Variants in EPHA5 observed in about 807,000 individuals in gnomAD.
EPHA5 encodes EPH receptor A5.
EPHA5 carries 60 observed loss-of-function variants against 105.0 expected under a neutral mutation model. The observed-to-expected ratio is 0.57, with a 90% confidence interval of 0.46 to 0.71. The LOEUF is 0.71. Ranked by LOEUF, EPHA5 falls within the 30% of genes least tolerant of loss-of-function variation. The pLI is 0.00. For missense variants in EPHA5, 1,218 were observed against 1,274.7 expected, an observed-to-expected ratio of 0.96 and a Z score of 0.68; for synonymous variants, 513 against 449.1, an observed-to-expected ratio of 1.14 and a Z score of -1.80.
intron 4 of EPHA5, among the ~76,000 whole-genome samples, chr4:65,494,501 A>G (rs1050487472): frequency 6.6e-6 from 1 of 152,198 alleles, no homozygotes; most frequent in African/African-American, 2.4e-5. Flanking sequence ...TTGATTTGCT[A>G]CAGAGACTTT....
At chr4:65,652,225 A>G (rs1200228302) in intron 1 of EPHA5, among the ~76,000 whole-genome samples, 1 of 152,136 alleles carries the variant, frequency 6.6e-6, no homozygotes, top group Non-Finnish European at 1.5e-5. Flanking sequence ...TACTGGAAAT[A>G]AATGTGCATA....
chr4:65,519,787 A>C (rs1734492897), intron 3 of EPHA5, among the ~76,000 whole-genome samples: 1 of 152,172 alleles, frequency 6.6e-6, no homozygotes, highest in Admixed American at 6.5e-5. Context: ...ATTGCTTCAA[A>C]GAGAATAAAA....
chr4:65,641,853 G>A (rs1747697509), intron 2 of EPHA5, among the ~76,000 whole-genome samples: 2 of 151,864 alleles, frequency 1.3e-5, no homozygotes, highest in African/African-American at 4.8e-5. Context: ...AGAAAAAAAA[G>A]ACAGCATGAA....
chr4:65,558,744 T>A (rs1738716980), intron 3 of EPHA5, among the ~76,000 whole-genome samples: 1 of 152,092 alleles, frequency 6.6e-6, no homozygotes, highest in African/African-American at 2.4e-5. Flanking sequence ...ATTCTTATTT[T>A]CATTTTACAA....
intron 8 of EPHA5, among the ~76,000 whole-genome samples, chr4:65,401,619 T>A (rs889869500): frequency 9.2e-5 from 14 of 152,180 alleles, no homozygotes; most frequent in African/African-American, 3.4e-4. Flanking sequence ...ATTCCTAGTG[T>A]CAGCATCTTA....
chr4:65,353,758 C>G (rs1323248381), intron 11 of EPHA5, among the ~76,000 whole-genome samples: 1 of 151,752 alleles, frequency 6.6e-6, no homozygotes, highest in Non-Finnish European at 1.5e-5. Context: ...ATTGCATTTT[C>G]CTACCTTTAC....
chr4:65,324,853 G>A (rs887404526), intron 16 of EPHA5, among the ~76,000 whole-genome samples: 2 of 147,220 alleles, frequency 1.4e-5, no homozygotes, highest in African/African-American at 5.0e-5. Flanking sequence ...CATGCTTTCA[G>A]AACACTTTTC....
intron 3 of EPHA5, among the ~76,000 whole-genome samples, chr4:65,576,085 A>AAAG (rs1257925074): frequency 9.8e-6 from 1 of 101,764 alleles, no homozygotes; most frequent in Non-Finnish European, 2.0e-5. Context: ...AAAGAAAAGA[A>AAAG]AAGAAAAGAA....
intron 5 of EPHA5, among the ~76,000 whole-genome samples, chr4:65,489,101 G>T (rs1731164338): frequency 6.6e-6 from 1 of 151,964 alleles, no homozygotes; most frequent in African/African-American, 2.4e-5. Context: ...GTTTCACTGT[G>T]TTAGCCAGGA....
At chr4:65,529,948 A>C (rs1209492179) in intron 3 of EPHA5, among the ~76,000 whole-genome samples, 1 of 152,158 alleles carries the variant, frequency 6.6e-6, no homozygotes, top group African/African-American at 2.4e-5. Context: ...AGGTTATACT[A>C]ATATATACAA....
intron 5 of EPHA5, among the ~76,000 whole-genome samples, chr4:65,451,391 A>C (rs950846094): frequency 1.3e-5 from 2 of 152,124 alleles, no homozygotes; most frequent in African/African-American, 4.8e-5. Context: ...TACAATCCCA[A>C]TTATATACCA....
At chr4:65,551,774 AAC>A (rs1737946354) in intron 3 of EPHA5, among the ~76,000 whole-genome samples, 1 of 152,218 alleles carries the variant, frequency 6.6e-6, no homozygotes, top group Non-Finnish European at 1.5e-5. Context: ...CAGTATTTAT[AAC>A]ACATAAAGTT....
chr4:65,352,059 C>A (rs1331093228), intron 12 of EPHA5, among the ~76,000 whole-genome samples: 1 of 151,872 alleles, frequency 6.6e-6, no homozygotes, highest in Non-Finnish European at 1.5e-5. Context: ...GTGATCAGGT[C>A]AATGTTAGCA....
intron 8 of EPHA5, among the ~76,000 whole-genome samples, chr4:65,368,376 C>A (rs989665213): frequency 1.3e-5 from 2 of 152,094 alleles, no homozygotes. Flanking sequence ...AAAATGAAAT[C>A]AGTGCATTTT....
At chr4:65,526,539 T>G (rs540919320) in intron 3 of EPHA5, among the ~76,000 whole-genome samples, 1 of 152,108 alleles carries the variant, frequency 6.6e-6, no homozygotes, top group South Asian at 2.1e-4. Flanking sequence ...TATTTTTTAT[T>G]TCATAGGTTT....
chr4:65,456,407 A>G (rs992505630), intron 5 of EPHA5, among the ~76,000 whole-genome samples: 1 of 152,114 alleles, frequency 6.6e-6, no homozygotes, highest in African/African-American at 2.4e-5. Flanking sequence ...CATAATGTAG[A>G]AGCTGATCTA....
At chr4:65,397,230 G>A (rs1251017797) in intron 8 of EPHA5, among the ~76,000 whole-genome samples, 1 of 152,184 alleles carries the variant, frequency 6.6e-6, no homozygotes, top group African/African-American at 2.4e-5. Flanking sequence ...GTCAAAGGGA[G>A]AAAGGTGGAC....
At chr4:65,383,220 T>TAC (rs142791536) in intron 8 of EPHA5, among the ~76,000 whole-genome samples, 67,999 of 144,380 alleles carry the variant, frequency 0.47, 16,021 homozygotes, top group East Asian at 0.65. Context: ...ATATATGATA[T>TAC]ACACACACAC....
intron 3 of EPHA5, among the ~76,000 whole-genome samples, chr4:65,543,106 G>T (rs1435633395): frequency 6.6e-6 from 1 of 151,974 alleles, no homozygotes; most frequent in Non-Finnish European, 1.5e-5. Flanking sequence ...CAAACCTACA[G>T]CCAATATCAT....
Sources: gnomAD v4.1 joint callset for allele counts (sites outside exome capture counted in the v4.1 genomes callset) on GRCh38, gnomAD v4.1.1 for gene constraint, MANE v1.5 for transcripts, NCBI Gene and HGNC (gene_info 2026-07-23, HGNC 2026-07-21) for gene names.